ACSL4: variants seen among roughly 807,000 people sequenced by gnomAD.
The protein encoded by ACSL4 is long-chain-fatty-acid--CoA ligase 4.
A neutral mutation model predicts 49.1 loss-of-function variants in ACSL4; 9 were observed. The ratio of observed to expected loss-of-function variants is 0.18; its 90% CI spans 0.11 to 0.32. The LOEUF (loss-of-function observed/expected upper bound fraction) is 0.32, where lower values mean the gene tolerates loss of function less well. ACSL4 is among the 10% of genes least tolerant of loss of function. The pLI is 1.00. For synonymous variants in ACSL4, 191 were observed against 170.3 expected, an observed-to-expected ratio of 1.12 and a Z score of -0.95; for missense variants, 333 against 493.7, an observed-to-expected ratio of 0.67 and a Z score of 3.08.
At chrX:109,729,052 T>C (rs868616015) in intron 1 of ACSL4, among the ~76,000 whole-genome samples, 8 of 64,613 alleles carry the variant, frequency 1.2e-4, no homozygotes, top group Non-Finnish European at 7.0e-5. Flanking sequence ...CTACTAAAAA[T>C]ACAAAAAAAA....
chrX:109,695,439 C>A (rs189605148), intron 2 of ACSL4, among the ~76,000 whole-genome samples: 2 of 109,718 alleles, frequency 1.8e-5, no homozygotes, highest in Admixed American at 1.9e-4. Context: ...CCACTGAGGA[C>A]GGGCGCGGTG....
chrX:109,706,606 G>A (rs1360664115), intron 1 of ACSL4, among the ~76,000 whole-genome samples: 1 of 112,062 alleles, frequency 8.9e-6, no homozygotes, highest in Non-Finnish European at 1.9e-5. Context: ...AACAACTACT[G>A]GGGAAAAAAC....
chrX:109,687,481 AAACTT>A (rs901906860), intron 2 of ACSL4, among the ~76,000 whole-genome samples: 1 of 111,962 alleles, frequency 8.9e-6, no homozygotes, highest in African/African-American at 3.2e-5. Context: ...CAGGAACAGA[AAACTT>A]AACACTGCAT....
At chrX:109,705,790 C>T (rs192827129) in intron 1 of ACSL4, among the ~76,000 whole-genome samples, 3 of 112,466 alleles carry the variant, frequency 2.7e-5, no homozygotes, top group African/African-American at 6.5e-5. Context: ...CTCCACCTCC[C>T]GGGTTCAAGC....
chrX:109,646,166 G>T (rs1464442987), intron 15 of ACSL4, among the ~76,000 whole-genome samples: 1 of 110,988 alleles, frequency 9.0e-6, no homozygotes, highest in Non-Finnish European at 1.9e-5. Flanking sequence ...AGGAAATACA[G>T]AGAATGCCAC....
At position 109,661,554 on chromosome X, in the gene ACSL4, G is replaced by T; in HGVS notation, c.1674C>A (p.Asp558Glu). ...ACCTTTTGGCAAAAGCACAGATGTT[G>T]TCAATAAGTGGACAATTCTTCAGTG... ...EAALKNCPLI[D>E]NICAFAKSDQ... Residue 558 changes from aspartate to glutamate, a missense_variant, in exon 14 of 16, where the codon GAC (aspartate) becomes GAA (glutamate). Asp to Glu is a conservative substitution (Grantham distance 45, BLOSUM62 2). Coordinates refer to ENST00000672401, the MANE Select transcript of ACSL4 (RefSeq NM_001318510.2). 1 of 1,208,035 alleles carries T rather than the reference G, an allele frequency of 8.3e-7. No homozygotes were observed. Among genetic ancestry groups the T allele is most frequent in the Non-Finnish European group, 1.1e-6 (1 of 892,611 alleles).
At chrX:109,730,408 T>C (rs1268418092) in intron 1 of ACSL4, among the ~76,000 whole-genome samples, 2 of 112,224 alleles carry the variant, frequency 1.8e-5, no homozygotes. Flanking sequence ...CTACAATTAA[T>C]AGAATCATCT....
intron 1 of ACSL4, among the ~76,000 whole-genome samples, chrX:109,696,921 G>A (rs1925481824): frequency 9.0e-6 from 1 of 111,560 alleles, no homozygotes; most frequent in African/African-American, 3.3e-5. Flanking sequence ...GTGCATGCCT[G>A]TAGTCCCAAC....
Position 109,705,977 on chromosome X carries a change from G to T in ACSL4, c.-65-9781C>A, listed in dbSNP as rs191842849. Reference sequence around the variant, plus strand: ...CTCCCAAAGTGCTAGGATTACAGGCGTAAGCCATGGCGCCAGGCCCCATTT... The same window carrying T: ...CTCCCAAAGTGCTAGGATTACAGGCTTAAGCCATGGCGCCAGGCCCCATTT... On this transcript the variant is annotated intron_variant, in intron 1 of 15. Transcript: ENST00000672401. Among the ~76,000 whole-genome samples, 899 of 113,023 alleles carry T rather than the reference G, an allele frequency of 8.0e-3. 10 individuals are homozygous for T. Among genetic ancestry groups the T allele is most frequent in the African/African-American group, 0.026 (799 of 31,144 alleles).
intron 1 of ACSL4, among the ~76,000 whole-genome samples, chrX:109,711,501 G>A (rs1926748152): frequency 8.9e-6 from 1 of 112,138 alleles, no homozygotes; most frequent in Non-Finnish European, 1.9e-5. Context: ...AAATGGAGGG[G>A]ATAATATTAT....
intron 12 of ACSL4, among the ~76,000 whole-genome samples, chrX:109,665,142 T>C (rs1422519347): frequency 1.8e-5 from 2 of 111,561 alleles, no homozygotes; most frequent in Non-Finnish European, 3.8e-5. Context: ...TCAAGGATCC[T>C]CACCTTCTCC....
rs190525093 is a variant in ACSL4 at position 109,694,485 on chromosome X, C to T, written c.-13+1659G>A. 1.3e-3 allele frequency among the ~76,000 whole-genome samples: 143 copies of T among 111,264 alleles called. 1 individual carries two copies. Among genetic ancestry groups the T allele is most frequent in the East Asian group, 0.012 (44 of 3,563 alleles). On this transcript the variant is annotated intron_variant, in intron 2 of 15. Transcript: ENST00000672401. The stretch of plus-strand genomic sequence containing the variant: ...GTTCATATTTTAAGATATCACAAAA[C>T]AGCAAAAAATGTAAAAGAAAGAATT...
chrX:109,681,908 C>A (rs904792260), intron 4 of ACSL4, among the ~76,000 whole-genome samples: 3 of 111,668 alleles, frequency 2.7e-5, no homozygotes, highest in Admixed American at 1.9e-4. Context: ...TCAAGGAGAT[C>A]TACTCCTTAG....
chrX:109,644,084 T>C lies in ACSL4; in HGVS notation c.1958A>G (p.Lys653Arg). The change falls in exon 16 of 16, where the codon AAG (lysine) becomes AGG (arginine). Residue 653 changes from lysine to arginine, a missense_variant. Transcript: ENST00000672401. ...LVTDAFKLKR[K>R]ELRNHYLKDI... ...TTTGAGGTAATGGTTCCTCAGCTCCTTCCTTTTCAGTTTGAAAGCATCAGT... is the reference window on the plus strand; with the variant it reads ...TTTGAGGTAATGGTTCCTCAGCTCCCTCCTTTTCAGTTTGAAAGCATCAGT... 1 of 1,211,237 alleles carries C rather than the reference T, an allele frequency of 8.3e-7. No individual in the cohort carries two copies. Among genetic ancestry groups the C allele is most frequent in the Non-Finnish European group, 1.1e-6 (1 of 895,094 alleles).
At chrX:109,713,577 C>CA (rs1302093845) in intron 1 of ACSL4, among the ~76,000 whole-genome samples, 34 of 99,589 alleles carry the variant, frequency 3.4e-4, no homozygotes, top group African/African-American at 7.3e-4. Context: ...TTGCTACAGA[C>CA]AAAAAAAAAA....
Position 109,697,353 on chromosome X carries a change from G to GT in ACSL4, c.-65-1158dup, listed in dbSNP as rs958805103. Reference sequence around the variant, plus strand: ...ACCCTTCGAGTTTTTTGTTTTGTTGGTTTTTTTTAGTCTAGACGCCCCCAT... The same window carrying GT: ...ACCCTTCGAGTTTTTTGTTTTGTTGGTTTTTTTTTAGTCTAGACGCCCCCAT... On this transcript the variant is annotated intron_variant, in intron 1 of 15. Transcript: ENST00000672401. Among the ~76,000 whole-genome samples the GT allele has an allele frequency of 3.6e-5, 4 of 110,758 alleles. No individual in the cohort carries two copies. In the South Asian group the frequency reaches 1.1e-3, roughly 31 times the overall value.
At chrX:109,717,282 G>C (rs1330506245) in intron 1 of ACSL4, among the ~76,000 whole-genome samples, 2 of 110,310 alleles carry the variant, frequency 1.8e-5, no homozygotes. Context: ...ATCACCTAAG[G>C]TCAGTAGTTC....
chrX:109,693,751 G>A (rs182676692), intron 2 of ACSL4, among the ~76,000 whole-genome samples: 1 of 111,742 alleles, frequency 8.9e-6, no homozygotes, highest in African/African-American at 3.3e-5. Flanking sequence ...GCAATTGATG[G>A]GGGGCCTCCA....
chrX:109,674,653 A>G (rs1177331496), intron 8 of ACSL4, among the ~76,000 whole-genome samples, 180 bp from the exon 9 acceptor site: 1 of 112,363 alleles, frequency 8.9e-6, no homozygotes, highest in Non-Finnish European at 1.9e-5. Context: ...AGTGCTACAG[A>G]TAACTGCTTC....
Sources: gnomAD v4.1 joint callset for allele counts (sites outside exome capture counted in the v4.1 genomes callset) on GRCh38, gnomAD v4.1.1 for gene constraint, MANE v1.5 for transcripts, NCBI Gene and HGNC (gene_info 2026-07-23, HGNC 2026-07-21) for gene names.